ZFPM2: variants seen among roughly 807,000 people sequenced by gnomAD.
ZFPM2 encodes the protein zinc finger protein, FOG family member 2, also known as zinc finger protein ZFPM2.
In ZFPM2, 20 loss-of-function variants were observed where a neutral mutation model predicts 98.6. The observed-to-expected ratio is 0.20, with a 90% CI of 0.14 to 0.29. The LOEUF is 0.29. ZFPM2 is among the 10% of genes least tolerant of loss of function. The pLI is 1.00. For synonymous variants in ZFPM2, 518 were observed against 502.7 expected, an observed-to-expected ratio of 1.03 and a Z score of -0.41; for missense variants, 1,310 against 1,388.6, an observed-to-expected ratio of 0.94 and a Z score of 0.90.
rs117612604 is a variant in ZFPM2, at chr8:105,798,672, G to A, written c.740-52G>A. ...TGAACTAAATGCTGCTTTACCCACA[G>A]TTGGTTTCAAATGGACAGCAGCAAA... On this transcript the variant is annotated intron_variant, in intron 6 of 7. Transcript: ENST00000407775. 5.7e-3 allele frequency: 8,605 copies of A among 1,513,162 alleles called. 49 individuals are homozygous for A. Among genetic ancestry groups the A allele is most frequent in the Non-Finnish European group, 5.2e-3 (5,734 of 1,106,938 alleles). The allele number at this position is 1,513,162 out of a possible 1,614,324, so 93.7% of individuals were successfully genotyped here.
At chr8:105,792,312 A>G (rs1352097251) in intron 6 of ZFPM2, among the ~76,000 whole-genome samples, 2 of 152,190 alleles carry the variant, frequency 1.3e-5, no homozygotes, top group African/African-American at 4.8e-5. Flanking sequence ...TTGGTTTCAA[A>G]GAACATCTTT....
At chr8:105,655,335 G>A (rs1817263112) in intron 5 of ZFPM2, among the ~76,000 whole-genome samples, 2 of 149,542 alleles carry the variant, frequency 1.3e-5, no homozygotes, top group South Asian at 2.1e-4. Context: ...GGGTTCAAGC[G>A]ATTCTCCTGC....
intron 5 of ZFPM2, among the ~76,000 whole-genome samples, chr8:105,647,859 G>C (rs1237378976): frequency 2.0e-5 from 3 of 152,112 alleles, no homozygotes; most frequent in Non-Finnish European, 4.4e-5. Flanking sequence ...TGTCTTTATA[G>C]CAGCATGATT....
At chr8:105,436,631 T>C (rs1443953074) in intron 2 of ZFPM2, among the ~76,000 whole-genome samples, 2 of 152,224 alleles carry the variant, frequency 1.3e-5, no homozygotes, top group Admixed American at 6.5e-5. Flanking sequence ...GTAGTCGACT[T>C]TGACGGTAAT....
At position 105,419,217 on chromosome 8, in the gene ZFPM2, A is replaced by C. The variant is rs775498139; in HGVS notation, c.114A>C (p.Gly38=). The C allele has an allele frequency of 6.2e-7, 1 of 1,613,740 alleles. No individual in the cohort carries two copies. The highest frequency in any genetic ancestry group is 8.5e-7 in the Non-Finnish European group (1 of 1,179,708). The change falls in exon 2 of 8, where the codon GGA becomes GGC. Residue 38 remains glycine, a synonymous_variant. Coordinates refer to ENST00000407775, the MANE Select transcript of ZFPM2 (RefSeq NM_012082.4). The stretch of plus-strand genomic sequence containing the variant: ...AGGAAACAGACATCATCTCCAAAGG[A>C]GACTTTCCATTGGAGGAAAGCTTTT... The part of the protein sequence containing the change: ...PSEETDIISK[G]DFPLEESFST...
At position 105,785,990 on chromosome 8, in the gene ZFPM2, G is replaced by A. The variant is rs535037109; in HGVS notation, c.533-2728G>A. 1.8e-4 allele frequency among the ~76,000 whole-genome samples: 26 copies of A among 146,384 alleles called. No homozygotes were observed. The South Asian group carries it at 4.6e-3, about 26-fold the overall frequency. On this transcript the variant is annotated intron_variant, in intron 5 of 7. Coordinates refer to ENST00000407775, the MANE Select transcript of ZFPM2 (RefSeq NM_012082.4). ...CCCAGAGGCAGAGCTTGCAGTGAGC[G>A]GAGATGGCGCCACTGCACTCCAGCC...
intron 5 of ZFPM2, among the ~76,000 whole-genome samples, chr8:105,744,511 G>A (rs971645329): frequency 1.3e-5 from 2 of 152,046 alleles, no homozygotes; most frequent in African/African-American, 2.4e-5. Context: ...GAGAAAGGCA[G>A]ATACTAATGA....
At chr8:105,679,431 A>C (rs538945617) in intron 5 of ZFPM2, among the ~76,000 whole-genome samples, 2 of 151,992 alleles carry the variant, frequency 1.3e-5, no homozygotes, top group South Asian at 4.2e-4. Flanking sequence ...TGTTTATAAA[A>C]GCACTTTTAG....
chr8:105,577,461 T>C (rs1815491681), intron 4 of ZFPM2, among the ~76,000 whole-genome samples: 1 of 84,632 alleles, frequency 1.2e-5, no homozygotes, highest in African/African-American at 7.3e-5. Flanking sequence ...TAAAATAATC[T>C]TATGAAGTAA....
chr8:105,799,339 A>ATAAG (rs1813931051), intron 7 of ZFPM2, among the ~76,000 whole-genome samples: 1 of 152,216 alleles, frequency 6.6e-6, no homozygotes, highest in Non-Finnish European at 1.5e-5. Flanking sequence ...GTACATAAAT[A>ATAAG]TAAGTGTGTG....
intron 5 of ZFPM2, among the ~76,000 whole-genome samples, chr8:105,783,210 G>GTTTTTTTTTTTTTTT (rs753557703): frequency 1.3e-4 from 12 of 88,926 alleles, no homozygotes; most frequent in Non-Finnish European, 1.5e-4. Flanking sequence ...TTTCTTTATG[G>GTTTTTTTTTTTTTTT]TTTTTTTTTT....
chr8:105,548,144 G>T (rs1041160281), intron 3 of ZFPM2, among the ~76,000 whole-genome samples: 1 of 151,742 alleles, frequency 6.6e-6, no homozygotes, highest in South Asian at 2.1e-4. Context: ...AGGAATAAAT[G>T]GTGAAAAGAA....
chr8:105,561,180 A>G (rs1341182359), intron 3 of ZFPM2, among the ~76,000 whole-genome samples, 183 bp from the exon 4 acceptor site: 1 of 152,186 alleles, frequency 6.6e-6, no homozygotes, highest in Non-Finnish European at 1.5e-5. Context: ...TTTGAATACA[A>G]TTTATAAGGA....
At chr8:105,386,891 G>A (rs1004770501) in intron 1 of ZFPM2, among the ~76,000 whole-genome samples, 5 of 152,276 alleles carry the variant, frequency 3.3e-5, no homozygotes, top group Admixed American at 6.5e-5. Context: ...TAGATACAGA[G>A]TGTGGACACA....
chr8:105,611,539 C>G (rs745831828), intron 4 of ZFPM2, among the ~76,000 whole-genome samples: 1 of 151,872 alleles, frequency 6.6e-6, no homozygotes, highest in Non-Finnish European at 1.5e-5. Context: ...TGAAGAGGCT[C>G]AAAAACTCCA....
At chr8:105,576,892 T>C (rs1815479239) in intron 4 of ZFPM2, among the ~76,000 whole-genome samples, 1 of 152,160 alleles carries the variant, frequency 6.6e-6, no homozygotes, top group South Asian at 2.1e-4. Context: ...TGTGCCTTCC[T>C]ATAATGGTTT....
chr8:105,464,176 A>G (rs1327958577), intron 3 of ZFPM2, among the ~76,000 whole-genome samples: 4 of 152,036 alleles, frequency 2.6e-5, no homozygotes, highest in Non-Finnish European at 5.9e-5. Flanking sequence ...TTTATGGCCC[A>G]TCCAGAACAG....
rs191565843 is a variant in ZFPM2 at position 105,409,364 on chromosome 8, A to T, written c.41-9780A>T. Among the ~76,000 whole-genome samples, 67 of 152,052 alleles carry T rather than the reference A, an allele frequency of 4.4e-4. No individual in the cohort carries two copies. In the East Asian group the frequency reaches 8.9e-3, roughly 20 times the overall value. ...GGACTCTTGGCAGATATGTATAAGT[A>T]ACATTTGAGATCAGCCTGAAGTGGC... On this transcript the variant is annotated intron_variant, in intron 1 of 7. Transcript: ENST00000407775.
At chr8:105,376,714 C>G (rs1195256574) in intron 1 of ZFPM2, among the ~76,000 whole-genome samples, 2 of 152,198 alleles carry the variant, frequency 1.3e-5, no homozygotes, top group African/African-American at 4.8e-5. Context: ...TAAGTCCTAT[C>G]TCTAAAAATA....
Sources: allele counts gnomAD v4.1 joint callset (sites outside exome capture counted in the v4.1 genomes callset), GRCh38; gene constraint gnomAD v4.1.1; transcripts MANE v1.5; gene names NCBI Gene and HGNC (gene_info 2026-07-23, HGNC 2026-07-21).